The following ARSG variants were observed in gnomAD, a reference collection of about 807,000 sequenced individuals.
The protein encoded by ARSG is ASG.
A neutral mutation model predicts 50.5 loss-of-function variants in ARSG; 37 were observed. That is an observed-to-expected ratio of 0.73 (90% CI 0.56 to 0.96). The LOEUF (loss-of-function observed/expected upper bound fraction) is 0.96, where lower values mean the gene tolerates loss of function less well. Among genes scored for constraint, ARSG ranks in the 50% least tolerant of loss-of-function variants. The probability of loss-of-function intolerance (pLI) is 0.00; values close to 1 mark genes in which losing one functional copy is unlikely to be tolerated. For synonymous variants in ARSG, 225 were observed against 254.6 expected (o/e 0.88, Z 1.11); for missense variants, 629 against 675.3 (o/e 0.93, Z 0.76).
At chr17:68,338,093 G>C (rs1173008803) in intron 2 of ARSG, among the ~76,000 whole-genome samples, 1 of 152,172 alleles carries the variant, frequency 6.6e-6, no homozygotes, top group Non-Finnish European at 1.5e-5. Context: ...TCCCTGAATA[G>C]ATCATTCCAG....
chr17:68,327,801 G>A (rs1204671136), intron 2 of ARSG, among the ~76,000 whole-genome samples: 2 of 152,152 alleles, frequency 1.3e-5, no homozygotes, highest in African/African-American at 2.4e-5. Flanking sequence ...AGCATGACGG[G>A]TTATGGTGGC....
chr17:68,351,171 A>AT (rs2078744923), intron 4 of ARSG, among the ~76,000 whole-genome samples: 1 of 151,272 alleles, frequency 6.6e-6, no homozygotes, highest in Non-Finnish European at 1.5e-5. Context: ...TTTCTAAAAA[A>AT]TTTTTTATAA....
intron 3 of ARSG, chr17:68,346,666 G>A: frequency 8.6e-7 from 1 of 1,161,428 alleles, no homozygotes; most frequent in Non-Finnish European, 1.1e-6. Flanking sequence ...ACTGCGGGCT[G>A]CTGATGTTGG....
In ARSG at chr17:68,270,532, T is replaced by C. The variant is rs1457718086; in HGVS notation, c.-552+11106T>C. ...CTGCGCCACTGCACTCCAGCCTGGG[T>C]GATAGAGCGAGACTCCATCTCAAAA... On this transcript the variant is annotated intron_variant, in intron 1 of 11. Coordinates refer to the ARSG transcript ENST00000448504. Among the ~76,000 whole-genome samples, 203 of 146,218 alleles carry C rather than the reference T, an allele frequency of 1.4e-3. 1 individual carries two copies. Among genetic ancestry groups the C allele is most frequent in the Non-Finnish European group, 2.6e-3 (174 of 67,058 alleles).
chr17:68,292,227 G>A (rs1483168961), intron 1 of ARSG, among the ~76,000 whole-genome samples: 1 of 151,730 alleles, frequency 6.6e-6, no homozygotes, highest in Non-Finnish European at 1.5e-5. Context: ...CCCGGCCCGG[G>A]GCGCGCGCGC....
chr17:68,370,596 T>C, intron 8 of ARSG, 72 bp downstream of exon 8: 1 of 1,425,092 alleles, frequency 7.0e-7, no homozygotes, highest in Non-Finnish European at 9.8e-7. Flanking sequence ...GGATTCTGCC[T>C]CCGGGTGGGG....
At chr17:68,316,099 G>A (rs532597874) in intron 2 of ARSG, among the ~76,000 whole-genome samples, 88 of 152,308 alleles carry the variant, frequency 5.8e-4, no homozygotes, top group African/African-American at 2.1e-3. Context: ...CATTGCACAT[G>A]TTTCTGTTCC....
intron 6 of ARSG, among the ~76,000 whole-genome samples, chr17:68,366,181 C>T (rs1020823820): frequency 3.9e-5 from 6 of 151,922 alleles, no homozygotes; most frequent in African/African-American, 1.5e-4. Flanking sequence ...TCAAATGATC[C>T]GCCTGCCTCG....
intron 4 of ARSG, among the ~76,000 whole-genome samples, chr17:68,349,239 A>G (rs2078644824): frequency 6.6e-6 from 1 of 151,998 alleles, no homozygotes; most frequent in African/African-American, 2.4e-5. Flanking sequence ...TGGAGGTTGC[A>G]GTGAGTTGAG....
chr17:68,416,067 C>A (rs1477915199), intron 11 of ARSG, among the ~76,000 whole-genome samples: 1 of 152,020 alleles, frequency 6.6e-6, no homozygotes, highest in Non-Finnish European at 1.5e-5. Flanking sequence ...CTATTTGTTG[C>A]CCATGTGCCT....
rs1347711836 is a variant in ARSG, at chr17:68,345,712, T to G, written c.407-1413T>G. On this transcript the variant is annotated intron_variant, in intron 3 of 11. Transcript: ENST00000621439. ...CCTAGCTGTGCGAATACCACTGGGC[T>G]CCACTTTTCCCCCTTTCACATTATT... is the stretch of plus-strand genomic sequence containing the variant. Among the ~76,000 whole-genome samples the G allele has an allele frequency of 2.0e-5, 3 of 152,200 alleles. No homozygotes were observed. The East Asian group carries it at 5.8e-4, about 29-fold the overall frequency.
intron 2 of ARSG, among the ~76,000 whole-genome samples, chr17:68,340,358 C>T (rs2078213171): frequency 1.3e-5 from 2 of 152,006 alleles, no homozygotes; most frequent in Non-Finnish European, 2.9e-5. Context: ...GATCTCGGCT[C>T]ACTGCAACCT....
rs371723708 is a variant in ARSG at position 68,342,577 on chromosome 17, C to T, written c.219-1027C>T. Among the ~76,000 whole-genome samples the T allele has an allele frequency of 3.0e-4, 46 of 152,124 alleles. No homozygotes were observed. In the East Asian group the frequency reaches 7.5e-3, roughly 25 times the overall value. On this transcript the variant is annotated intron_variant, in intron 2 of 11. Transcript: ENST00000621439. Reference sequence around the variant, plus strand: ...GTTTCACCATGTTGACCAGGCTGGTCTTGAACTCCTGACCTCAAGTGATCC... The same window carrying T: ...GTTTCACCATGTTGACCAGGCTGGTTTTGAACTCCTGACCTCAAGTGATCC...
chr17:68,433,783 T>TTG, the ARSG span, among the ~76,000 whole-genome samples: 3 of 85,946 alleles, frequency 3.5e-5, no homozygotes, highest in African/African-American at 1.2e-4. Context: ...TTTTTTTTTT[T>TTG]TTTTTTTTTT....
At position 68,260,001 on chromosome 17, in the gene ARSG, C is replaced by T. The variant is rs147431119; in HGVS notation, c.-552+575C>T. ...CACCGTTTAATGTCTACATTAAAGG[C>T]CTCTGGCTTCGGTGTTAACTTGTTT... is the stretch of plus-strand genomic sequence containing the variant. On this transcript the variant is annotated intron_variant, in intron 1 of 11. Coordinates refer to the ARSG transcript ENST00000448504. 1.1e-3 allele frequency among the ~76,000 whole-genome samples: 161 copies of T among 152,288 alleles called. 2 individuals carry two copies. In the East Asian group the frequency reaches 0.027, roughly 26 times the overall value.
At chr17:68,339,149 C>T (rs979198242) in intron 2 of ARSG, among the ~76,000 whole-genome samples, 1 of 151,782 alleles carries the variant, frequency 6.6e-6, no homozygotes, top group African/African-American at 2.4e-5. Flanking sequence ...TGTAGCCGGG[C>T]GTGGTGGCGC....
At chr17:68,270,449 G>A (rs554480556) in intron 1 of ARSG, among the ~76,000 whole-genome samples, 37 of 151,978 alleles carry the variant, frequency 2.4e-4, no homozygotes, top group Non-Finnish European at 2.6e-4. Flanking sequence ...AGCTACTCAG[G>A]AGGCTGAGGC....
chr17:68,273,058 A>G (rs1430650817), intron 1 of ARSG, among the ~76,000 whole-genome samples: 1 of 151,682 alleles, frequency 6.6e-6, no homozygotes, highest in Non-Finnish European at 1.5e-5. Flanking sequence ...CTATTATTGC[A>G]TGAAATTTTA....
intron 9 of ARSG, among the ~76,000 whole-genome samples, chr17:68,387,604 C>G (rs1220923153): frequency 6.6e-6 from 1 of 152,210 alleles, no homozygotes; most frequent in Admixed American, 6.5e-5. Flanking sequence ...ACCTCAGGGT[C>G]AGCTTGACAG....
Sources: gnomAD v4.1 joint callset for allele counts (sites outside exome capture counted in the v4.1 genomes callset) on GRCh38, gnomAD v4.1.1 for gene constraint, MANE v1.5 for transcripts, NCBI Gene and HGNC (gene_info 2026-07-23, HGNC 2026-07-21) for gene names.